The following USP13 variants were observed in gnomAD, a reference collection of about 807,000 sequenced individuals.
USP13 encodes the protein ubiquitin carboxyl-terminal hydrolase 13.
A neutral mutation model predicts 107.8 loss-of-function variants in USP13; 68 were observed. That is an observed-to-expected ratio of 0.63 (90% CI 0.52 to 0.77). USP13 has a LOEUF of 0.77. USP13 is among the 30% of genes least tolerant of loss of function. The pLI, the probability that USP13 is intolerant of heterozygous loss-of-function variation, is 0.00. For missense variants in USP13, 945 were observed against 1,093.3 expected (o/e 0.86, Z 1.91); for synonymous variants, 377 against 389.5 (o/e 0.97, Z 0.38).
At position 179,742,139 on chromosome 3, in the gene USP13, T is replaced by C. The variant is rs1487424779; in HGVS notation, c.1381-58T>C. 1.2e-6 allele frequency: 2 copies of C among 1,603,424 alleles called. No individual in the cohort carries two copies. The highest frequency in any genetic ancestry group is 1.7e-6 in the Non-Finnish European group (2 of 1,171,846). On this transcript the variant is annotated intron_variant, in intron 11 of 20. Coordinates refer to ENST00000263966, the MANE Select transcript of USP13 (RefSeq NM_003940.3). This position sits in a 1 kb window ranked among gnomAD's most constrained non-coding sequence, Gnocchi z 5.0. Reference sequence around the variant, plus strand: ...ACCGGGTTTAGAGTTCATTTTCTACTAAGTCTTAGTGGCTCAATATTCATA... The same window carrying C: ...ACCGGGTTTAGAGTTCATTTTCTACCAAGTCTTAGTGGCTCAATATTCATA...
intron 6 of USP13, among the ~76,000 whole-genome samples, chr3:179,714,712 A>G (rs1236001073): frequency 2.0e-5 from 3 of 151,980 alleles, no homozygotes; most frequent in Non-Finnish European, 2.9e-5. Context: ...GCATAGTGAG[A>G]CCCTGTCTCA....
intron 1 of USP13, among the ~76,000 whole-genome samples, chr3:179,656,248 A>G (rs1249664196): frequency 2.0e-5 from 3 of 152,270 alleles, no homozygotes; most frequent in Non-Finnish European, 4.4e-5. Context: ...GAAGTGAGGT[A>G]GAACCAAGTA....
chr3:179,739,661 G>A (rs181852332), intron 10 of USP13, among the ~76,000 whole-genome samples: 112 of 152,162 alleles, frequency 7.4e-4, no homozygotes, highest in African/African-American at 2.5e-3. Flanking sequence ...GGGTTCAAGC[G>A]ATTTTCCTGC....
intron 12 of USP13, among the ~76,000 whole-genome samples, chr3:179,743,389 T>G (rs2268927): frequency 0.34 from 51,720 of 151,192 alleles, 10,776 homozygotes; most frequent in East Asian, 0.45. Context: ...TTTGTTTTTT[T>G]TTTTGAGAAT....
chr3:179,655,562 G>GTT (rs144175090), intron 1 of USP13, among the ~76,000 whole-genome samples: 2 of 124,804 alleles, frequency 1.6e-5, no homozygotes, highest in African/African-American at 7.0e-5. Flanking sequence ...TTTTTGTTTT[G>GTT]TTTTGTTTTT....
At position 179,653,100 on chromosome 3, in the gene USP13, C is replaced by CG; in HGVS notation, c.-124dup. On this transcript the variant is annotated 5_prime_UTR_variant, in exon 1 of 21. Coordinates refer to ENST00000263966, the MANE Select transcript of USP13 (RefSeq NM_003940.3). The surrounding 1 kb of genome is among the most constrained non-coding windows in gnomAD (Gnocchi z 4.0). ...CGCAGCCCGCTCTCCCCGCCCGCCC[C>CG]GGCTCGGCCGGCTGCCGTTGCCCGC... is the stretch of plus-strand genomic sequence containing the variant. The CG allele has an allele frequency of 1.2e-6, 1 of 857,000 alleles. No homozygotes were observed. The highest frequency in any genetic ancestry group is 1.8e-5 in the African/African-American group (1 of 54,140). 53.1% of individuals were successfully genotyped at this position (857,000 alleles called of 1,614,324 possible). A position where few individuals can be genotyped will look rare whatever the true frequency, so the allele number is the denominator to read the frequency against.
intron 19 of USP13, among the ~76,000 whole-genome samples, chr3:179,769,517 C>T (rs151249952): frequency 1.3e-5 from 2 of 152,260 alleles, no homozygotes; most frequent in African/African-American, 4.8e-5. Context: ...AAGTGATTCT[C>T]ATGCCTCAGC....
At chr3:179,773,466 T>G (rs749199526) in intron 19 of USP13, among the ~76,000 whole-genome samples, 14 of 152,336 alleles carry the variant, frequency 9.2e-5, no homozygotes, top group Non-Finnish European at 1.9e-4. Context: ...GCTTTGTAAA[T>G]ATTTTAGATG....
At chr3:179,654,661 T>C (rs1720198573) in intron 1 of USP13, among the ~76,000 whole-genome samples, 2 of 152,212 alleles carry the variant, frequency 1.3e-5, no homozygotes, top group Admixed American at 1.3e-4. Context: ...ATGGATTGGA[T>C]GGACCGAGGC....
chr3:179,750,939 C>A (rs1195948635), intron 13 of USP13, among the ~76,000 whole-genome samples: 2 of 152,146 alleles, frequency 1.3e-5, no homozygotes, highest in African/African-American at 4.8e-5. Flanking sequence ...TTTTCTCTGA[C>A]ACTAGGGGGA....
rs1183118180 is a variant in USP13, at chr3:179,687,005, C to T, written c.295-3236C>T. 3.9e-5 allele frequency among the ~76,000 whole-genome samples: 6 copies of T among 152,350 alleles called. No homozygotes were observed. The Middle Eastern group carries it at 0.01, about 259-fold the overall frequency. On this transcript the variant is annotated intron_variant, in intron 2 of 20. Transcript: ENST00000263966. ...CATTTGGCCATCCTGTCTTCTTCCT[C>T]AGAAGGATACTTTTCTTCATCAGGG...
At position 179,767,470 on chromosome 3, in the gene USP13, G is replaced by T. The variant is rs183417268; in HGVS notation, c.2413+1622G>T. ...GACAGAGTCTCACTCCATCACCCAGGCTGGAGTGCAGTGGCACGATCTTGG... is the reference window on the plus strand; with the variant it reads ...GACAGAGTCTCACTCCATCACCCAGTCTGGAGTGCAGTGGCACGATCTTGG... On this transcript the variant is annotated intron_variant, in intron 19 of 20. Coordinates refer to ENST00000263966, the MANE Select transcript of USP13 (RefSeq NM_003940.3). Among the ~76,000 whole-genome samples, 36 of 150,726 alleles carry T rather than the reference G, an allele frequency of 2.4e-4. 1 individual carries two copies. The East Asian group carries it at 6.6e-3, about 28-fold the overall frequency.
chr3:179,719,360 CTG>C (rs1410864951), intron 6 of USP13, among the ~76,000 whole-genome samples: 1 of 152,110 alleles, frequency 6.6e-6, no homozygotes, highest in Non-Finnish European at 1.5e-5. Context: ...CTCGCTGGTT[CTG>C]TGAGATGTGG....
intron 6 of USP13, among the ~76,000 whole-genome samples, chr3:179,711,951 A>ACCAG (rs1712946891): frequency 6.6e-6 from 1 of 152,220 alleles, no homozygotes; most frequent in Admixed American, 6.5e-5. Context: ...GTTTGTTTAC[A>ACCAG]CCAGCATCAC....
chr3:179,751,430 C>G (rs1021421017), intron 13 of USP13, among the ~76,000 whole-genome samples: 1 of 152,090 alleles, frequency 6.6e-6, no homozygotes, highest in African/African-American at 2.4e-5. Context: ...CCTGGCATTT[C>G]CAATAGTCAA....
chr3:179,675,503 C>T (rs992823317), intron 1 of USP13, among the ~76,000 whole-genome samples: 3 of 150,966 alleles, frequency 2.0e-5, no homozygotes, highest in South Asian at 2.1e-4. Context: ...AAAAAATTTA[C>T]CCAATGCTAT....
chr3:179,662,355 C>T (rs1720481652), intron 1 of USP13, among the ~76,000 whole-genome samples: 1 of 152,104 alleles, frequency 6.6e-6, no homozygotes, highest in Non-Finnish European at 1.5e-5. Context: ...TATTTTAGCT[C>T]CTACTTCACC....
chr3:179,672,240 G>T (rs527446998), intron 1 of USP13, among the ~76,000 whole-genome samples: 2 of 152,262 alleles, frequency 1.3e-5, no homozygotes, highest in East Asian at 3.9e-4. Flanking sequence ...TGTCTTTGAT[G>T]TTATTTCTGA....
At chr3:179,746,330 T>C (rs1439474522) in intron 13 of USP13, among the ~76,000 whole-genome samples, 3 of 150,978 alleles carry the variant, frequency 2.0e-5, no homozygotes, top group East Asian at 1.9e-4. Flanking sequence ...CTTGGCTCAC[T>C]GCAACCTCTG....
Sources: allele counts gnomAD v4.1 joint callset (sites outside exome capture counted in the v4.1 genomes callset), GRCh38; gene constraint gnomAD v4.1.1; non-coding constraint Gnocchi (gnomAD v3.1); transcripts MANE v1.5; gene names NCBI Gene and HGNC (gene_info 2026-07-23, HGNC 2026-07-21).